The following GATA1 variants were observed in gnomAD, a reference collection of about 807,000 sequenced individuals.
GATA1 encodes the protein erythroid transcription factor.
Under a neutral mutation model 18.9 loss-of-function variants are expected in GATA1, and 2 were observed. That is an observed-to-expected ratio of 0.11 (90% confidence interval 0.04 to 0.33). The LOEUF (loss-of-function observed/expected upper bound fraction) is 0.33. GATA1 is among the 10% of genes least tolerant of loss of function. The pLI is 1.00. For synonymous variants in GATA1, 152 were observed against 149.1 expected (o/e 1.02, Z -0.14); for missense variants, 272 against 344.7 (o/e 0.79, Z 1.67).
rs782668006 is a variant in GATA1 at position 48,791,808 on chromosome X, C to T, written c.221-36C>T. On this transcript the variant is annotated intron_variant, in intron 2 of 5. Transcript: ENST00000376670. Reference sequence around the variant, plus strand: ...GTGCGCTGACCCTAGACTGATTTTGCCTCTTCTTTCCTCCATCCCTACCTG... The same window carrying T: ...GTGCGCTGACCCTAGACTGATTTTGTCTCTTCTTTCCTCCATCCCTACCTG... 22 of 1,206,183 alleles carry T rather than the reference C, an allele frequency of 1.8e-5. No individual in the cohort carries two copies. In the South Asian group the frequency reaches 3.3e-4, roughly 18 times the overall value.
chrX:48,793,089 G>A (rs2062679588), intron 4 of GATA1, 83 bp from the exon 5 acceptor site: 3 of 1,080,602 alleles, frequency 2.8e-6, no homozygotes, highest in Non-Finnish European at 3.8e-6. Flanking sequence ...TCACTTCTTG[G>A]GTCCTCCTGA....
intron 1 of GATA1, among the ~76,000 whole-genome samples, chrX:48,789,535 C>T (rs1557019667): frequency 9.0e-6 from 1 of 110,737 alleles, no homozygotes. Flanking sequence ...CCCATCACCA[C>T]CCCCAATACA....
Position 48,791,871 on chromosome X carries a change from G to A in GATA1, c.248G>A (p.Cys83Tyr), listed in dbSNP as rs927104663. Reference protein sequence around the residue: ...PVFQVYPLLNCMEGIPGGSPY... With the variant: ...PVFQVYPLLNYMEGIPGGSPY... ...TTTCAGGTGTACCCATTGCTCAACTGTATGGAGGGGATCCCAGGGGGCTCA... is the reference window on the plus strand; with the variant it reads ...TTTCAGGTGTACCCATTGCTCAACTATATGGAGGGGATCCCAGGGGGCTCA... The change falls in exon 3 of 6, where the codon TGT (cysteine) becomes TAT (tyrosine). Residue 83 changes from cysteine to tyrosine, a missense_variant. Cys to Tyr is a radical substitution (Grantham distance 194, BLOSUM62 -2). Coordinates refer to ENST00000376670, the MANE Select transcript of GATA1 (RefSeq NM_002049.4). The A allele has an allele frequency of 1.7e-6, 2 of 1,211,836 alleles. No individual in the cohort carries two copies. Among genetic ancestry groups the A allele is most frequent in the Non-Finnish European group, 2.2e-6 (2 of 895,422 alleles).
At chrX:48,791,051 G>A in intron 1 of GATA1, 40 bp from the exon 2 acceptor site, 3 of 943,390 alleles carry the variant, frequency 3.2e-6, no homozygotes, top group Non-Finnish European at 4.5e-6. Flanking sequence ...AGGTGGGGGG[G>A]AAGGATTTCT....
intron 2 of GATA1, 110 bp downstream of exon 2, chrX:48,791,439 G>C (rs1310671332): frequency 2.7e-6 from 2 of 743,375 alleles, no homozygotes; most frequent in African/African-American, 4.2e-5. Flanking sequence ...GAAATGGCTG[G>C]AAGCTTCTCA....
At chrX:48,789,971 C>T (rs2062668848) in intron 1 of GATA1, among the ~76,000 whole-genome samples, 1 of 108,916 alleles carries the variant, frequency 9.2e-6, no homozygotes. Flanking sequence ...CACCCTCACC[C>T]AGACTCTTCT....
chrX:48,791,282 C>G lies in GATA1; in HGVS notation c.173C>G (p.Ala58Gly), dbSNP rs782299679. ...TAPSTATAAA[A>G]ALAYYRDAEA... ...CCGAGCACAGCCACCGCTGCAGCTGCGGCACTGGCCTACTACAGGGACGCT... is the reference window on the plus strand; with the variant it reads ...CCGAGCACAGCCACCGCTGCAGCTGGGGCACTGGCCTACTACAGGGACGCT... The change falls in exon 2 of 6, where the codon GCG (alanine) becomes GGG (glycine). Residue 58 changes from alanine to glycine, a missense_variant. Coordinates refer to ENST00000376670, the MANE Select transcript of GATA1 (RefSeq NM_002049.4). The G allele has an allele frequency of 8.3e-7, 1 of 1,206,572 alleles. No individual in the cohort carries two copies. The highest frequency in any genetic ancestry group is 1.8e-5 in the South Asian group (1 of 55,851).
In GATA1 at chrX:48,792,232, C is replaced by CA; in HGVS notation, c.598+17dup. On this transcript the variant is annotated intron_variant, in intron 3 of 5. Coordinates refer to ENST00000376670, the MANE Select transcript of GATA1 (RefSeq NM_002049.4). ...CCCTGCCTCCCTGTGGTGAGAAATT[C>CA]AAAAAAGGACAGGGAAGTTGAGGTG... 2 of 1,211,201 alleles carry CA rather than the reference C, an allele frequency of 1.7e-6. No homozygotes were observed. Among genetic ancestry groups the CA allele is most frequent in the Non-Finnish European group, 2.2e-6 (2 of 895,305 alleles).
intron 4 of GATA1, 39 bp downstream of exon 4, chrX:48,792,507 C>A: frequency 8.3e-7 from 1 of 1,202,845 alleles, no homozygotes; most frequent in Non-Finnish European, 1.1e-6. Context: ...ACACAGGAAC[C>A]CCTGTCCTCA....
At position 48,794,166 on chromosome X, in the gene GATA1, G is replaced by C. The variant is rs2062683612; in HGVS notation, c.*2G>C. ...GTGGTGGCTCCGCTCAGCTCATGAGGGCACAGAGCATGGCCTCCAGAGGAG... is the reference window on the plus strand; with the variant it reads ...GTGGTGGCTCCGCTCAGCTCATGAGCGCACAGAGCATGGCCTCCAGAGGAG... On this transcript the variant is annotated 3_prime_UTR_variant, in exon 6 of 6. Coordinates refer to ENST00000376670, the MANE Select transcript of GATA1 (RefSeq NM_002049.4). The C allele has an allele frequency of 6.8e-6, 8 of 1,184,945 alleles. No homozygotes were observed. Among genetic ancestry groups the C allele is most frequent in the Non-Finnish European group, 7.9e-6 (7 of 881,513 alleles).
chrX:48,787,075 TATCTG>T (rs2062660692), intron 1 of GATA1, among the ~76,000 whole-genome samples: 1 of 109,876 alleles, frequency 9.1e-6, no homozygotes, highest in African/African-American at 3.3e-5. Context: ...CCAAACCCCT[TATCTG>T]CTCTACAACG....
At chrX:48,791,784 T>A in intron 2 of GATA1, 60 bp from the exon 3 acceptor site, 1 of 1,186,090 alleles carries the variant, frequency 8.4e-7, no homozygotes, top group Non-Finnish European at 1.1e-6. Context: ...CACCCTGACG[T>A]GCGCTGACCC....
intron 1 of GATA1, among the ~76,000 whole-genome samples, chrX:48,787,613 A>C (rs1557019407): frequency 9.1e-6 from 1 of 110,226 alleles, no homozygotes; most frequent in Non-Finnish European, 1.9e-5. Flanking sequence ...CGATCCCCCA[A>C]CCTCGTCTGT....
At position 48,791,934 on chromosome X, in the gene GATA1, A is replaced by G. The variant is rs1557020181; in HGVS notation, c.311A>G (p.Tyr104Cys). Residue 104 changes from tyrosine to cysteine, a missense_variant, in exon 3 of 6, where the codon TAC (tyrosine) becomes TGC (cysteine). By Grantham distance (194) the Tyr-to-Cys change is radical. This residue lies in a region of GATA1 where 147 missense variants were observed against 157.4 expected (regional missense o/e 0.93). Transcript: ENST00000376670. ...TGGGCCTACGGCAAGACGGGGCTCT[A>G]CCCTGCCTCAACTGTGTGTCCCACC... ...AGWAYGKTGL[Y>C]PASTVCPTRE... The G allele has an allele frequency of 8.3e-7, 1 of 1,211,366 alleles. No individual in the cohort carries two copies. The highest frequency in any genetic ancestry group is 2.2e-5 in the Admixed American group (1 of 46,027).
At chrX:48,790,176 G>C (rs2062669729) in intron 1 of GATA1, among the ~76,000 whole-genome samples, 1 of 110,783 alleles carries the variant, frequency 9.0e-6, no homozygotes, top group East Asian at 2.9e-4. Flanking sequence ...AGAGAGGCCG[G>C]AAGTGGTGGC....
Position 48,792,438 on chromosome X carries a change from C to T in GATA1, c.714C>T (p.Asn238=). 1 of 1,211,894 alleles carries T rather than the reference C, an allele frequency of 8.3e-7. No homozygotes were observed. The highest frequency in any genetic ancestry group is 1.1e-6 in the Non-Finnish European group (1 of 895,470). ...TCTATCACAAGATGAATGGGCAGAA[C>T]AGGCCCCTCATCCGGCCCAAGAAGC... ...CGLYHKMNGQ[N]RPLIRPKKRL... Residue 238 remains asparagine, a synonymous_variant, in exon 4 of 6, where the codon AAC becomes AAT. Transcript: ENST00000376670.
chrX:48,792,183 C>T lies in GATA1; in HGVS notation c.560C>T (p.Ser187Phe). 1.7e-6 allele frequency: 2 copies of T among 1,211,716 alleles called. No individual in the cohort carries two copies. The highest frequency in any genetic ancestry group is 2.2e-6 in the Non-Finnish European group (2 of 895,507). Residue 187 changes from serine (S) to phenylalanine (F), a missense_variant, in exon 3 of 6, where the codon TCT (serine) becomes TTT (phenylalanine). This residue lies in a region of GATA1 where 147 missense variants were observed against 157.4 expected (regional missense o/e 0.93). Coordinates refer to ENST00000376670, the MANE Select transcript of GATA1 (RefSeq NM_002049.4). ...GSPLNSAAYS[S>F]PKLRGTLPLP... is the part of the protein sequence containing the mutation. ...CCCCTCAATTCAGCAGCCTATTCCT[C>T]TCCCAAGCTTCGTGGAACTCTCCCC... is the stretch of plus-strand genomic sequence containing the variant.
At chrX:48,793,728 T>C in intron 5 of GATA1, 65 bp from the exon 6 acceptor site, 1 of 1,193,201 alleles carries the variant, frequency 8.4e-7, no homozygotes, top group Non-Finnish European at 1.1e-6. Context: ...AGAGAGGGTG[T>C]CCCTGGTTGA....
At chrX:48,788,308 CAGAG>C (rs1267949293) in intron 1 of GATA1, among the ~76,000 whole-genome samples, 4 of 109,765 alleles carry the variant, frequency 3.6e-5, no homozygotes, top group Non-Finnish European at 7.6e-5. Flanking sequence ...AAAGGAAAAA[CAGAG>C]AGAGAGAAAC....
Sources: allele counts gnomAD v4.1 joint callset (sites outside exome capture counted in the v4.1 genomes callset), GRCh38; gene constraint gnomAD v4.1.1; regional missense constraint gnomAD v4.1.1; transcripts MANE v1.5; gene names NCBI Gene and HGNC (gene_info 2026-07-23, HGNC 2026-07-21).